ODAD2: variants seen among roughly 807,000 people sequenced by gnomAD.
ODAD2 encodes outer dynein arm-docking complex subunit 2.
Under a neutral mutation model 106.8 loss-of-function variants are expected in ODAD2, and 89 were observed. That is an observed-to-expected ratio of 0.83 (90% CI 0.70 to 0.99). ODAD2 has a LOEUF of 0.99. Ranked by LOEUF, ODAD2 falls within the 50% of genes least tolerant of loss-of-function variation. The pLI is 0.00. For missense variants in ODAD2, 1,168 were observed against 1,238.5 expected (o/e 0.94, Z 0.85); for synonymous variants, 404 against 436.2 (o/e 0.93, Z 0.92).
intron 17 of ODAD2, among the ~76,000 whole-genome samples, chr10:27,867,905 C>T (rs960558166): frequency 6.6e-6 from 1 of 151,632 alleles, no homozygotes; most frequent in Non-Finnish European, 1.5e-5. Flanking sequence ...GCTGAGATCA[C>T]TCCACTGCAC....
intron 19 of ODAD2, among the ~76,000 whole-genome samples, chr10:27,844,369 CA>C (rs1473430905): frequency 2.6e-5 from 4 of 152,192 alleles, no homozygotes; most frequent in Admixed American, 6.5e-5. Context: ...CACCATGAAG[CA>C]AGCAAACTCT....
At chr10:27,874,956 A>T (rs1025001412) in intron 17 of ODAD2, among the ~76,000 whole-genome samples, 17 of 152,186 alleles carry the variant, frequency 1.1e-4, no homozygotes, top group African/African-American at 4.1e-4. Flanking sequence ...GTGTTTTCCA[A>T]CTTGGTTCCA....
chr10:27,848,684 ATCTACAAAAAAC>A (rs1323041607), intron 19 of ODAD2, among the ~76,000 whole-genome samples: 2 of 152,254 alleles, frequency 1.3e-5, no homozygotes, highest in African/African-American at 4.8e-5. Context: ...AATATCCAGA[ATCTACAAAAAAC>A]TCAAACATAT....
chr10:27,974,775 A>G (rs1849087966), intron 7 of ODAD2, among the ~76,000 whole-genome samples: 1 of 151,540 alleles, frequency 6.6e-6, no homozygotes, highest in African/African-American at 2.4e-5. Flanking sequence ...AGTTCTGTGA[A>G]GAATGTTTTT....
intron 19 of ODAD2, among the ~76,000 whole-genome samples, chr10:27,817,880 T>C (rs960308808): frequency 6.6e-6 from 1 of 152,108 alleles, no homozygotes; most frequent in African/African-American, 2.4e-5. Context: ...ATCAAATGGC[T>C]GTTTACAGAC....
At chr10:27,885,032 A>C (rs1421956149) in intron 17 of ODAD2, among the ~76,000 whole-genome samples, 1 of 152,212 alleles carries the variant, frequency 6.6e-6, no homozygotes, top group Non-Finnish European at 1.5e-5. Context: ...ACGAAGAAAC[A>C]GGAAAGCATG....
chr10:27,888,973 T>G (rs1842399227), intron 17 of ODAD2, among the ~76,000 whole-genome samples: 1 of 152,142 alleles, frequency 6.6e-6, no homozygotes, highest in Admixed American at 6.6e-5. Flanking sequence ...GAAGAAAACA[T>G]CCAAAGCACA....
chr10:27,843,344 T>C (rs1028324524), intron 19 of ODAD2, among the ~76,000 whole-genome samples: 3 of 152,184 alleles, frequency 2.0e-5, no homozygotes, highest in African/African-American at 4.8e-5. Flanking sequence ...TCTATAAAAA[T>C]ATACAAAGCT....
chr10:27,832,294 T>G (rs1837535668), intron 19 of ODAD2, among the ~76,000 whole-genome samples: 1 of 152,246 alleles, frequency 6.6e-6, no homozygotes, highest in African/African-American at 2.4e-5. Context: ...CTCTCTGGTT[T>G]GATGTTTCTC....
At chr10:27,964,320 AT>A (rs138950490) in intron 9 of ODAD2, among the ~76,000 whole-genome samples, 93 of 152,312 alleles carry the variant, frequency 6.1e-4, no homozygotes, top group Non-Finnish European at 1.0e-3. Flanking sequence ...TGGCTCCTAG[AT>A]GAGCTGGGGT....
chr10:27,919,075 T>G (rs533047662), intron 16 of ODAD2, among the ~76,000 whole-genome samples: 2 of 152,088 alleles, frequency 1.3e-5, no homozygotes, highest in East Asian at 3.9e-4. Context: ...ATATACCTCA[T>G]TAATGGATTG....
At chr10:27,841,531 G>C (rs951847910) in intron 19 of ODAD2, among the ~76,000 whole-genome samples, 1 of 152,066 alleles carries the variant, frequency 6.6e-6, no homozygotes, top group African/African-American at 2.4e-5. Context: ...GAGTAGCTGG[G>C]ATTACAGGTG....
At position 27,843,173 on chromosome 10, in the gene ODAD2, T is replaced by C. The variant is rs150495820; in HGVS notation, c.3021+17452A>G. Among the ~76,000 whole-genome samples, 69 of 152,342 alleles carry C rather than the reference T, an allele frequency of 4.5e-4. No homozygotes were observed. In the East Asian group the frequency reaches 7.5e-3, roughly 17 times the overall value. The stretch of plus-strand genomic sequence containing the variant: ...ATCTGGAACAAATTAGAAACTGGTG[T>C]CATAGTTTATTTTTTTAAAAAATAA... On this transcript the variant is annotated intron_variant, in intron 19 of 19. Coordinates refer to ENST00000305242, the MANE Select transcript of ODAD2 (RefSeq NM_018076.5).
At chr10:27,982,928 C>A (rs1418847794) in intron 6 of ODAD2, among the ~76,000 whole-genome samples, 1 of 152,174 alleles carries the variant, frequency 6.6e-6, no homozygotes, top group Non-Finnish European at 1.5e-5. Flanking sequence ...GTGCTACTCA[C>A]GCAGGAATCT....
At chr10:27,880,187 A>G (rs1192891554) in intron 17 of ODAD2, among the ~76,000 whole-genome samples, 1 of 152,208 alleles carries the variant, frequency 6.6e-6, no homozygotes, top group Non-Finnish European at 1.5e-5. Flanking sequence ...TCCTGCCCTT[A>G]CAGGATTTCT....
chr10:27,867,568 A>G (rs1419179748), intron 17 of ODAD2, among the ~76,000 whole-genome samples: 2 of 152,200 alleles, frequency 1.3e-5, no homozygotes, highest in Non-Finnish European at 2.9e-5. Context: ...TGTGAAGATG[A>G]CAATGGAATC....
chr10:27,987,250 A>G (rs528361881), intron 3 of ODAD2, 136 bp downstream of exon 3: 2 of 696,694 alleles, frequency 2.9e-6, no homozygotes, highest in East Asian at 2.7e-5. Flanking sequence ...ATGAAGTTGT[A>G]CATTTGACTT....
At chr10:27,954,498 AAT>A (rs1847584996) in intron 10 of ODAD2, among the ~76,000 whole-genome samples, 1 of 2,354 alleles carries the variant, frequency 4.2e-4, no homozygotes. Context: ...AACACGAGTG[AAT>A]GAATGAATGA....
chr10:27,862,943 T>A (rs918732984), intron 17 of ODAD2, among the ~76,000 whole-genome samples: 2 of 152,218 alleles, frequency 1.3e-5, no homozygotes, highest in Non-Finnish European at 1.5e-5. Flanking sequence ...TTCTTACTAT[T>A]TGTGGTAGCT....
Sources: allele counts gnomAD v4.1 joint callset (sites outside exome capture counted in the v4.1 genomes callset), GRCh38; gene constraint gnomAD v4.1.1; transcripts MANE v1.5; gene names NCBI Gene and HGNC (gene_info 2026-07-23, HGNC 2026-07-21).